The following TMEM132B variants were observed in gnomAD, a reference collection of about 807,000 sequenced individuals.
TMEM132B encodes transmembrane protein 132B.
A neutral mutation model predicts 90.8 loss-of-function variants in TMEM132B; 18 were observed. The observed-to-expected ratio is 0.20, with a 90% CI of 0.14 to 0.29. The LOEUF (loss-of-function observed/expected upper bound fraction) is 0.29. Ranked by LOEUF, TMEM132B falls within the 10% of genes least tolerant of loss-of-function variation. TMEM132B has a pLI of 1.00. For synonymous variants in TMEM132B, 504 were observed against 523.3 expected, an observed-to-expected ratio of 0.96 and a Z score of 0.50; for missense variants, 1,096 against 1,326.8, an observed-to-expected ratio of 0.83 and a Z score of 2.70.
intron 2 of TMEM132B, among the ~76,000 whole-genome samples, chr12:125,402,097 G>A (rs557805783): frequency 1.3e-5 from 2 of 152,270 alleles, no homozygotes; most frequent in South Asian, 2.1e-4. Flanking sequence ...AGAGCTTCAC[G>A]ATACTCGGCT....
chr12:125,224,202 G>A (rs1221605752), intron 1 of TMEM132B, among the ~76,000 whole-genome samples: 1 of 152,106 alleles, frequency 6.6e-6, no homozygotes, highest in Non-Finnish European at 1.5e-5. Flanking sequence ...ATAGACATTT[G>A]GGTTCATGGA....
chr12:125,349,949 G>A lies in TMEM132B; in HGVS notation c.565G>A (p.Val189Met), dbSNP rs1877503064. 6 of 1,614,224 alleles carry A rather than the reference G, an allele frequency of 3.7e-6. No homozygotes were observed. Among genetic ancestry groups the A allele is most frequent in the Non-Finnish European group, 5.1e-6 (6 of 1,180,048 alleles). ...GCTGCAAGGGGCCCCAGGGCTGTGT[G>A]TGGCTGAGCTGGAGCTGCTGCCCGA... ...CRLQGAPGLC[V>M]AELELLPEWF... The change falls in exon 2 of 9, where the codon GTG becomes ATG. Residue 189 changes from valine to methionine, a missense_variant. Transcript: ENST00000682704. This position sits in a 1 kb window ranked among gnomAD's most constrained non-coding sequence, Gnocchi z 4.1.
At chr12:125,312,435 C>T (rs1425581537) in intron 1 of TMEM132B, among the ~76,000 whole-genome samples, 3 of 152,212 alleles carry the variant, frequency 2.0e-5, no homozygotes, top group Admixed American at 2.0e-4. Context: ...CTTCAAGATG[C>T]CTGGGCTTGA....
intron 7 of TMEM132B, 118 bp from the exon 8 acceptor site, chr12:125,652,323 C>A: frequency 3.3e-6 from 3 of 918,046 alleles, no homozygotes; most frequent in Non-Finnish European, 4.8e-6. Flanking sequence ...TAACCGATTC[C>A]CACAAATGCA....
chr12:125,317,511 ACTTTGGG>A (rs1056995952), intron 1 of TMEM132B, among the ~76,000 whole-genome samples: 6 of 152,036 alleles, frequency 3.9e-5, no homozygotes, highest in African/African-American at 1.4e-4. Flanking sequence ...TGGGGGCAGG[ACTTTGGG>A]CTTTGGTTTT....
intron 3 of TMEM132B, among the ~76,000 whole-genome samples, chr12:125,443,392 G>A (rs1000206958): frequency 2.6e-5 from 4 of 152,132 alleles, no homozygotes; most frequent in Non-Finnish European, 5.9e-5. Flanking sequence ...TTGTAGGATG[G>A]CCCCTTTCTC....
intron 1 of TMEM132B, among the ~76,000 whole-genome samples, chr12:125,333,619 G>A (rs912731546): frequency 3.9e-5 from 6 of 152,212 alleles, no homozygotes; most frequent in Non-Finnish European, 8.8e-5. Context: ...ACAGGGAATG[G>A]TGGGGACTGT....
chr12:125,206,546 A>G (rs1873190357), intron 1 of TMEM132B, among the ~76,000 whole-genome samples: 2 of 152,116 alleles, frequency 1.3e-5, no homozygotes, highest in African/African-American at 4.8e-5. Context: ...TCTGATTGAT[A>G]TAAACGAGGT....
chr12:125,372,829 G>A (rs539290248), intron 2 of TMEM132B, among the ~76,000 whole-genome samples: 3 of 152,240 alleles, frequency 2.0e-5, no homozygotes, highest in East Asian at 1.9e-4. Context: ...CTCCCGCAGC[G>A]TTCTGGCCAC....
At chr12:125,425,936 C>A (rs990627093) in intron 3 of TMEM132B, among the ~76,000 whole-genome samples, 2 of 152,116 alleles carry the variant, frequency 1.3e-5, no homozygotes, top group Non-Finnish European at 2.9e-5. Flanking sequence ...TGTAGATGTA[C>A]GGTTTCAACT....
At chr12:125,243,125 A>G (rs1366157834) in intron 1 of TMEM132B, among the ~76,000 whole-genome samples, 2 of 142,740 alleles carry the variant, frequency 1.4e-5, no homozygotes, top group African/African-American at 5.2e-5. Context: ...ATATATATAC[A>G]CACACACACA....
At chr12:125,273,791 G>T (rs984572933) in intron 1 of TMEM132B, among the ~76,000 whole-genome samples, 2 of 152,082 alleles carry the variant, frequency 1.3e-5, no homozygotes, top group Non-Finnish European at 2.9e-5. Context: ...TCAGCTTCCC[G>T]AATAGCCTGG....
chr12:125,431,249 T>A (rs1437491330), intron 3 of TMEM132B, among the ~76,000 whole-genome samples: 1 of 152,084 alleles, frequency 6.6e-6, no homozygotes, highest in Non-Finnish European at 1.5e-5. Context: ...ATCGCCATCA[T>A]CCAGGGGCTG....
chr12:125,433,041 C>T (rs1461998147), intron 3 of TMEM132B, among the ~76,000 whole-genome samples: 1 of 152,158 alleles, frequency 6.6e-6, no homozygotes. Context: ...TTACTTTAAG[C>T]AAGTGTCGGA....
intron 1 of TMEM132B, among the ~76,000 whole-genome samples, chr12:125,283,600 C>G (rs192357519): frequency 1.3e-5 from 2 of 152,130 alleles, no homozygotes; most frequent in South Asian, 4.2e-4. Context: ...GTTGATAGGG[C>G]CAAGTCCAGA....
chr12:125,283,158 G>T (rs569951830), intron 1 of TMEM132B, among the ~76,000 whole-genome samples: 1 of 152,234 alleles, frequency 6.6e-6, no homozygotes, highest in African/African-American at 2.4e-5. Context: ...CAGGGGACTT[G>T]CCAATTAATG....
At chr12:125,435,538 A>C (rs542757168) in intron 3 of TMEM132B, among the ~76,000 whole-genome samples, 4 of 152,224 alleles carry the variant, frequency 2.6e-5, no homozygotes, top group Non-Finnish European at 4.4e-5. Context: ...AGCGCGTATT[A>C]CAGAGCCCTC....
intron 1 of TMEM132B, among the ~76,000 whole-genome samples, chr12:125,201,124 G>A (rs1873048250): frequency 6.6e-6 from 1 of 152,048 alleles, no homozygotes; most frequent in African/African-American, 2.4e-5. Flanking sequence ...GCCCAGTTAA[G>A]TGTTTCTCTC....
At chr12:125,212,191 T>G (rs1307494976) in intron 1 of TMEM132B, among the ~76,000 whole-genome samples, 2 of 152,180 alleles carry the variant, frequency 1.3e-5, no homozygotes, top group African/African-American at 4.8e-5. Flanking sequence ...AGTGCGGAAT[T>G]TCTCCACTCT....
Sources: gnomAD v4.1 joint callset for allele counts (sites outside exome capture counted in the v4.1 genomes callset) on GRCh38, gnomAD v4.1.1 for gene constraint, Gnocchi (gnomAD v3.1) non-coding constraint, MANE v1.5 for transcripts, NCBI Gene and HGNC (gene_info 2026-07-23, HGNC 2026-07-21) for gene names.